CYTH3: variants seen among roughly 807,000 people sequenced by gnomAD.
The protein encoded by CYTH3 is cytohesin 3, also known as cytohesin-3.
A neutral mutation model predicts 55.1 loss-of-function variants in CYTH3; 23 were observed. The ratio of observed to expected loss-of-function variants is 0.42; its 90% CI spans 0.30 to 0.59. The LOEUF (loss-of-function observed/expected upper bound fraction) is 0.59, where lower values mean the gene tolerates loss of function less well. Among genes scored for constraint, CYTH3 ranks in the 20% least tolerant of loss-of-function variants. The pLI is 0.20. For missense variants in CYTH3, 413 were observed against 524.8 expected (o/e 0.79, Z 2.08); for synonymous variants, 249 against 194.9 (o/e 1.28, Z -2.31).
chr7:6,220,764 G>T (rs978069613), intron 1 of CYTH3, among the ~76,000 whole-genome samples: 1 of 152,074 alleles, frequency 6.6e-6, no homozygotes, highest in Non-Finnish European at 1.5e-5. Flanking sequence ...GGGAGGCCGA[G>T]GCAGGTGGAA....
Position 6,244,883 on chromosome 7 carries a change from G to T in CYTH3, c.34+27591C>A, listed in dbSNP as rs566392090. 1.4e-4 allele frequency among the ~76,000 whole-genome samples: 21 copies of T among 148,894 alleles called. No individual in the cohort carries two copies. In the East Asian group the frequency reaches 3.7e-3, roughly 26 times the overall value. On this transcript the variant is annotated intron_variant, in intron 1 of 12. Transcript: ENST00000350796. ...GGCTCACTGCAACCTCTGCCTCCCG[G>T]GTTCACGCCATTCTCCTGCCTCAGC...
intron 3 of CYTH3, 108 bp downstream of exon 3, chr7:6,187,549 G>A (rs752581051): frequency 6.0e-5 from 58 of 965,918 alleles, no homozygotes; most frequent in Non-Finnish European, 8.9e-5. Context: ...AACTCCACAG[G>A]CTCCCCACAT....
At chr7:6,215,338 C>T (rs901805303) in intron 1 of CYTH3, among the ~76,000 whole-genome samples, 2 of 152,154 alleles carry the variant, frequency 1.3e-5, no homozygotes. Flanking sequence ...CGCCTGTAAT[C>T]CCAGAACTTT....
chr7:6,246,426 C>G (rs180767978), intron 1 of CYTH3, among the ~76,000 whole-genome samples: 1 of 152,016 alleles, frequency 6.6e-6, no homozygotes, highest in Non-Finnish European at 1.5e-5. Flanking sequence ...AGAATTTTTG[C>G]GTGACATGAC....
intron 1 of CYTH3, among the ~76,000 whole-genome samples, chr7:6,251,401 T>C (rs1779960453): frequency 1.3e-5 from 2 of 151,916 alleles, no homozygotes; most frequent in African/African-American, 4.8e-5. Context: ...GGAAGTTTCT[T>C]GAAGGGCTAC....
At chr7:6,178,899 A>C (rs368278178) in intron 4 of CYTH3, among the ~76,000 whole-genome samples, 1 of 152,164 alleles carries the variant, frequency 6.6e-6, no homozygotes, top group African/African-American at 2.4e-5. Context: ...TTTACCTCTA[A>C]CACAGCCTTG....
chr7:6,217,877 A>G (rs1350450989), intron 1 of CYTH3, among the ~76,000 whole-genome samples: 1 of 152,112 alleles, frequency 6.6e-6, no homozygotes, highest in East Asian at 1.9e-4. Flanking sequence ...TAAGAATTTT[A>G]GATTAAAAAA....
rs1456568341 is a variant in CYTH3, at chr7:6,164,169, G to GC, written c.*774dup. 1.7e-4 allele frequency: 26 copies of GC among 152,560 alleles called. No individual in the cohort carries two copies. The highest frequency in any genetic ancestry group is 5.8e-4 in the African/African-American group (24 of 41,556). 9.5% of individuals were successfully genotyped at this position (152,560 alleles called of 1,614,324 possible). On this transcript the variant is annotated 3_prime_UTR_variant, in exon 13 of 13. Coordinates refer to ENST00000350796, the MANE Select transcript of CYTH3 (RefSeq NM_004227.4). ...AAGTGCCATGGCCGTCCCTCCCCCA[G>GC]CCCGTCCCGAGCCCACCTGCTGCCC...
intron 1 of CYTH3, among the ~76,000 whole-genome samples, chr7:6,265,338 C>T (rs888171716): frequency 4.6e-5 from 7 of 151,626 alleles, no homozygotes; most frequent in African/African-American, 1.5e-4. Context: ...CTTGGCTGGG[C>T]GTGGTGGCTC....
At chr7:6,173,183 G>T in intron 6 of CYTH3, 2 of 510,868 alleles carry the variant, frequency 3.9e-6, no homozygotes, top group Non-Finnish European at 5.1e-6. Context: ...GGAAGACAAC[G>T]TGCAGGAAGG....
At chr7:6,226,461 G>C (rs1403251142) in intron 1 of CYTH3, among the ~76,000 whole-genome samples, 4 of 152,174 alleles carry the variant, frequency 2.6e-5, no homozygotes, top group African/African-American at 7.2e-5. Flanking sequence ...TGCTATTTTA[G>C]GGCGAGGCAG....
At chr7:6,264,954 A>C (rs2115066256) in intron 1 of CYTH3, among the ~76,000 whole-genome samples, 1 of 152,342 alleles carries the variant, frequency 6.6e-6, no homozygotes, top group South Asian at 2.1e-4. Context: ...GATTTTAGAT[A>C]GGTTGGTCAA....
chr7:6,244,156 G>A (rs1022105001), intron 1 of CYTH3, among the ~76,000 whole-genome samples: 12 of 151,998 alleles, frequency 7.9e-5, no homozygotes, highest in Admixed American at 6.5e-4. Context: ...TGTCAAAGTC[G>A]GACACTTTCA....
At chr7:6,256,172 C>G (rs944767333) in intron 1 of CYTH3, among the ~76,000 whole-genome samples, 1 of 152,204 alleles carries the variant, frequency 6.6e-6, no homozygotes, top group Non-Finnish European at 1.5e-5. Flanking sequence ...GTCACTGATC[C>G]AATCAACTAC....
At chr7:6,198,326 C>G (rs146326178) in intron 1 of CYTH3, among the ~76,000 whole-genome samples, 13 of 137,144 alleles carry the variant, frequency 9.5e-5, no homozygotes, top group African/African-American at 1.5e-4. Flanking sequence ...TTTGGACACC[C>G]AGATTGTATA....
At chr7:6,180,466 G>A (rs1160599662) in intron 4 of CYTH3, among the ~76,000 whole-genome samples, 1 of 152,234 alleles carries the variant, frequency 6.6e-6, no homozygotes, top group Non-Finnish European at 1.5e-5. Flanking sequence ...AGACCACAGT[G>A]AGGTGCCCAC....
At position 6,185,779 on chromosome 7, in the gene CYTH3, C is replaced by T. The variant is rs371272751; in HGVS notation, c.249+1271G>A. Among the ~76,000 whole-genome samples, 14 of 152,052 alleles carry T rather than the reference C, an allele frequency of 9.2e-5. No individual in the cohort carries two copies. In the East Asian group the frequency reaches 2.3e-3, roughly 25 times the overall value. ...CCTGCAAACCGTGAGCAGGAAATAACGACATGCACTTCTGTAAATATCACC... is the reference window on the plus strand; with the variant it reads ...CCTGCAAACCGTGAGCAGGAAATAATGACATGCACTTCTGTAAATATCACC... On this transcript the variant is annotated intron_variant, in intron 4 of 12. Transcript: ENST00000350796.
chr7:6,264,101 G>A (rs1278072296), intron 1 of CYTH3, among the ~76,000 whole-genome samples: 1 of 152,022 alleles, frequency 6.6e-6, no homozygotes, highest in African/African-American at 2.4e-5. Flanking sequence ...GCAAAAATTA[G>A]CTGGGCATGA....
intron 1 of CYTH3, among the ~76,000 whole-genome samples, chr7:6,195,579 C>G (rs1177279377): frequency 2.0e-5 from 3 of 152,082 alleles, no homozygotes; most frequent in African/African-American, 7.2e-5. Context: ...CTCAGCCTCC[C>G]AAGTAGCTGG....
Sources: allele counts gnomAD v4.1 joint callset (sites outside exome capture counted in the v4.1 genomes callset), GRCh38; gene constraint gnomAD v4.1.1; transcripts MANE v1.5; gene names NCBI Gene and HGNC (gene_info 2026-07-23, HGNC 2026-07-21).